The following USF2 variants were observed in gnomAD, a reference collection of about 807,000 sequenced individuals.
USF2 encodes upstream transcription factor 2, c-fos interacting, also known as upstream stimulatory factor 2.
Under a neutral mutation model 46.9 loss-of-function variants are expected in USF2, and 16 were observed. That is an observed-to-expected ratio of 0.34 (90% CI 0.23 to 0.52). The LOEUF is 0.52. Among genes scored for constraint, USF2 ranks in the 20% least tolerant of loss-of-function variants. The pLI is 0.96. For synonymous variants in USF2, 239 were observed against 194.1 expected, an observed-to-expected ratio of 1.23 and a Z score of -1.92; for missense variants, 411 against 474.0, an observed-to-expected ratio of 0.87 and a Z score of 1.23.
At position 35,269,589 on chromosome 19, in the gene USF2, G is replaced by C. The variant is rs1282966542; in HGVS notation, c.118G>C (p.Gly40Arg). ...ACCCTCCTCGGCCCCAGGCGGGGAC[G>C]GCCCAGGAGCGGAGGAGCAGACAGC... ...EGVELQEGGD[G>R]PGAEEQTAVA... Residue 40 changes from glycine (G) to arginine (R), a missense_variant, in exon 3 of 10, where the codon GGC becomes CGC. Physicochemically the swap from Gly to Arg is moderately radical, Grantham distance 125 (BLOSUM62 -2). Coordinates refer to ENST00000222305, the MANE Select transcript of USF2 (RefSeq NM_003367.4). 3.1e-6 allele frequency: 5 copies of C among 1,589,004 alleles called. No individual in the cohort carries two copies. Among genetic ancestry groups the C allele is most frequent in the Non-Finnish European group, 4.3e-6 (5 of 1,169,598 alleles).
chr19:35,270,346 G>C (rs1288046464), intron 4 of USF2, 101 bp from the exon 5 acceptor site: 1 of 1,508,146 alleles, frequency 6.6e-7, no homozygotes, highest in Non-Finnish European at 8.9e-7. Context: ...CCCCACTCCT[G>C]TTAATTGCAG....
chr19:35,269,571 T>C lies in USF2; in HGVS notation c.110-10T>C, dbSNP rs775685293. The C allele has an allele frequency of 3.9e-5, 62 of 1,576,118 alleles. No homozygotes were observed. The highest frequency in any genetic ancestry group is 4.9e-5 in the Non-Finnish European group (57 of 1,162,938). On this transcript the variant is annotated splice_polypyrimidine_tract_variant and intron_variant, in intron 2 of 9. Coordinates refer to ENST00000222305, the MANE Select transcript of USF2 (RefSeq NM_003367.4). Reference sequence around the variant, plus strand: ...GGCCCTGACCGTGCCCCGACCCTCCTCGGCCCCAGGCGGGGACGGCCCAGG... The same window carrying C: ...GGCCCTGACCGTGCCCCGACCCTCCCCGGCCCCAGGCGGGGACGGCCCAGG...
chr19:35,269,273 T>G, intron 1 of USF2, 110 bp downstream of exon 1: 2 of 919,508 alleles, frequency 2.2e-6, no homozygotes, highest in Non-Finnish European at 2.6e-6. Flanking sequence ...CGGCTCAAAA[T>G]GGAGGCCGCC....
At chr19:35,273,578 A>G (rs1462066020) in intron 7 of USF2, among the ~76,000 whole-genome samples, 1 of 151,794 alleles carries the variant, frequency 6.6e-6, no homozygotes, top group Admixed American at 6.6e-5. Context: ...TTTTTTTGAG[A>G]AGGGGGTCTC....
chr19:35,269,549 C>A lies in USF2; in HGVS notation c.110-32C>A, dbSNP rs140201728. The stretch of plus-strand genomic sequence containing the variant: ...GAGGGCTGGGGGCGCTCGGCGCGGC[C>A]CTGACCGTGCCCCGACCCTCCTCGG... On this transcript the variant is annotated intron_variant, in intron 2 of 9. Coordinates refer to ENST00000222305, the MANE Select transcript of USF2 (RefSeq NM_003367.4). The A allele has an allele frequency of 6.8e-4, 1,066 of 1,562,024 alleles. 6 individuals are homozygous for A. The African/African-American group carries it at 0.013, about 19-fold the overall frequency.
Position 35,269,488 on chromosome 19 carries a change from G to A in USF2, c.105G>A (p.Gln35=), listed in dbSNP as rs1310008124. The change falls in exon 2 of 10, where the codon CAG becomes CAA. Residue 35 remains glutamine (Q), a synonymous_variant. Transcript: ENST00000222305. ...GPEAEEGVEL[Q]EGGDGPGAEE... The stretch of plus-strand genomic sequence containing the variant: ...AGGCGGAGGAGGGCGTCGAGCTGCA[G>A]GAAGGTGAGTGCTTGCCGGGCCGGC... The A allele has an allele frequency of 1.3e-6, 2 of 1,554,720 alleles. No homozygotes were observed. The highest frequency in any genetic ancestry group is 8.6e-7 in the Non-Finnish European group (1 of 1,156,804).
chr19:35,271,015 C>T (rs779132449), intron 6 of USF2, 68 bp from the exon 7 acceptor site: 4 of 1,586,838 alleles, frequency 2.5e-6, no homozygotes, highest in Admixed American at 3.4e-5. Flanking sequence ...AAATCTAATA[C>T]TTAGCAGATG....
rs745609157 is a variant in USF2, at chr19:35,269,503, G to A, written c.109+11G>A. ...TCGAGCTGCAGGAAGGTGAGTGCTT[G>A]CCGGGCCGGCCGCGCCCGGGGAGGG... is the stretch of plus-strand genomic sequence containing the variant. On this transcript the variant is annotated intron_variant, in intron 2 of 9. Coordinates refer to ENST00000222305, the MANE Select transcript of USF2 (RefSeq NM_003367.4). 3.9e-6 allele frequency: 6 copies of A among 1,543,928 alleles called. No homozygotes were observed. The South Asian group carries it at 7.2e-5, about 19-fold the overall frequency.
intron 2 of USF2, 34 bp downstream of exon 2, chr19:35,269,526 G>A (rs1461965961): frequency 1.3e-6 from 2 of 1,547,612 alleles, no homozygotes; most frequent in Non-Finnish European, 1.7e-6. Flanking sequence ...CGCCCGGGGA[G>A]GGCTGGGGGC....
At chr19:35,271,166 T>C (rs776418257) in intron 7 of USF2, 25 bp downstream of exon 7, 3 of 1,612,088 alleles carry the variant, frequency 1.9e-6, no homozygotes, top group South Asian at 2.2e-5. Flanking sequence ...TGGCTCCGGG[T>C]CCCCCTGACC....
Position 35,279,274 on chromosome 19 carries a change from C to T in USF2, c.*18C>T. On this transcript the variant is annotated 3_prime_UTR_variant, in exon 10 of 10. Transcript: ENST00000222305. ...GGCAGTGACGCCCGCCACCACCACG[C>T]AGCCGCCGCCGCCCACGCCGGCCTC... is the stretch of plus-strand genomic sequence containing the variant. The T allele has an allele frequency of 1.3e-6, 2 of 1,489,646 alleles. No individual in the cohort carries two copies. The highest frequency in any genetic ancestry group is 1.8e-6 in the Non-Finnish European group (2 of 1,118,352). 92.3% of individuals were successfully genotyped at this position (1,489,646 alleles called of 1,614,324 possible).
intron 7 of USF2, among the ~76,000 whole-genome samples, chr19:35,274,510 G>C (rs2066204667): frequency 6.6e-6 from 1 of 152,220 alleles, no homozygotes. Context: ...AGGGGTGTGT[G>C]GCTGGGTGTG....
In USF2 at chr19:35,278,937, G is replaced by GC. The variant is rs749022418; in HGVS notation, c.823-3dup. 25 of 1,555,786 alleles carry GC rather than the reference G, an allele frequency of 1.6e-5. No individual in the cohort carries two copies. The highest frequency in any genetic ancestry group is 2.0e-5 in the Non-Finnish European group (23 of 1,150,832). On this transcript the variant is annotated splice_polypyrimidine_tract_variant and intron_variant, in intron 8 of 9. Transcript: ENST00000222305. ...CTGCCCTAAGGCTCCTGGTCCCCTC[G>GC]CCCCCCAGAGTAAAGGAGGGATCCT...
chr19:35,273,793 C>G (rs2145576832), intron 7 of USF2, among the ~76,000 whole-genome samples: 2 of 152,320 alleles, frequency 1.3e-5, no homozygotes, highest in East Asian at 3.9e-4. Context: ...TGGCCTCAGG[C>G]AGTCCTCCGG....
chr19:35,271,997 G>C (rs1243446866), intron 7 of USF2, among the ~76,000 whole-genome samples: 4 of 152,150 alleles, frequency 2.6e-5, no homozygotes, highest in African/African-American at 9.7e-5. Context: ...GTTCCATTTA[G>C]AATGCCTCAG....
In USF2 at chr19:35,270,106, G is replaced by A. The variant is rs1049212957; in HGVS notation, c.429+103G>A. The stretch of plus-strand genomic sequence containing the variant: ...GGGGTGGGGCAGGTGTCGCCCAGCG[G>A]ATGCTGCCTTCAGGCCTCAGGCTGC... On this transcript the variant is annotated intron_variant, in intron 4 of 9. Transcript: ENST00000222305. 4.1e-5 allele frequency: 52 copies of A among 1,258,958 alleles called. No homozygotes were observed. In the African/African-American group the frequency reaches 7.9e-4, roughly 19 times the overall value. The allele number at this position is 1,258,958 out of a possible 1,614,324, so 78.0% of individuals were successfully genotyped here. A position where few individuals can be genotyped will look rare whatever the true frequency, so the allele number is the denominator to read the frequency against.
rs2066277460 is a variant in USF2, at chr19:35,279,226, G to A, written c.1011G>A (p.Leu337=). 2 of 1,570,224 alleles carry A rather than the reference G, an allele frequency of 1.3e-6. No individual in the cohort carries two copies. Among genetic ancestry groups the A allele is most frequent in the Admixed American group, 1.8e-5 (1 of 54,434 alleles). The change falls in exon 10 of 10, where the codon CTG becomes CTA. Residue 337 remains leucine, a synonymous_variant. Coordinates refer to ENST00000222305, the MANE Select transcript of USF2 (RefSeq NM_003367.4). ...GAGCCCAGCTGCAGCAGCACAACCT[G>A]GAGATGGTGGGCGAGGGCACCCGGC... ...LLRAQLQQHN[L]EMVGEGTRQ
rs373110455 is a variant in USF2, at chr19:35,279,190, C to T, written c.975C>T (p.Asn325=). 76 of 1,602,902 alleles carry T rather than the reference C, an allele frequency of 4.7e-5. 2 individuals are homozygous for T. Among genetic ancestry groups the T allele is most frequent in the Middle Eastern group, 1.7e-4 (1 of 6,004 alleles). Residue 325 remains asparagine (N), a synonymous_variant, in exon 10 of 10, where the codon AAC becomes AAT. Coordinates refer to ENST00000222305, the MANE Select transcript of USF2 (RefSeq NM_003367.4). ...AGATCGAGGAGCTGAAGAATGAGAA[C>T]GCCCTGCTTCGAGCCCAGCTGCAGC... is the stretch of plus-strand genomic sequence containing the variant. ...RQQIEELKNE[N]ALLRAQLQQH... is the part of the protein sequence containing the mutation.
rs148272658 is a variant in USF2, at chr19:35,271,152, G to A, written c.727+11G>A. The A allele has an allele frequency of 2.1e-3, 3,321 of 1,613,930 alleles. 2 individuals are homozygous for A. The highest frequency in any genetic ancestry group is 2.4e-3 in the Non-Finnish European group (2,887 of 1,179,986). On this transcript the variant is annotated intron_variant, in intron 7 of 9. Coordinates refer to ENST00000222305, the MANE Select transcript of USF2 (RefSeq NM_003367.4). Reference sequence around the variant, plus strand: ...CCCAGCACAACGAAGGTGAGGACAAGGTGTGGCTCCGGGTCCCCCTGACCA... The same window carrying A: ...CCCAGCACAACGAAGGTGAGGACAAAGTGTGGCTCCGGGTCCCCCTGACCA...
Sources: gnomAD v4.1 joint callset for allele counts (sites outside exome capture counted in the v4.1 genomes callset) on GRCh38, gnomAD v4.1.1 for gene constraint, MANE v1.5 for transcripts, NCBI Gene and HGNC (gene_info 2026-07-23, HGNC 2026-07-21) for gene names.